Variants in PCDH9 observed in about 807,000 individuals in gnomAD.
PCDH9 encodes protocadherin 9, also known as protocadherin-9.
In PCDH9, 24 loss-of-function variants were observed where a neutral mutation model predicts 70.6. That is an observed-to-expected ratio of 0.34 (90% CI 0.25 to 0.48). The LOEUF is 0.48. Among genes scored for constraint, PCDH9 ranks in the 20% least tolerant of loss-of-function variants. The pLI, the probability that PCDH9 is intolerant of heterozygous loss-of-function variation, is 0.99. For synonymous variants in PCDH9, 562 were observed against 558.5 expected (o/e 1.01, Z -0.09); for missense variants, 1,281 against 1,503.6 (o/e 0.85, Z 2.45).
chr13:66,709,737 A>G (rs7323113), intron 3 of PCDH9, among the ~76,000 whole-genome samples: 2,975 of 152,290 alleles, frequency 0.02, 103 homozygotes, highest in African/African-American at 0.068. Context: ...TTGGCAATGA[A>G]TAATTTAATT....
intron 3 of PCDH9, among the ~76,000 whole-genome samples, chr13:66,636,286 C>T (rs2077636257): frequency 1.3e-5 from 2 of 152,070 alleles, no homozygotes; most frequent in South Asian, 4.1e-4. Flanking sequence ...AGAGCTTAAT[C>T]CAGAAGAACA....
intron 3 of PCDH9, among the ~76,000 whole-genome samples, chr13:66,814,431 T>G (rs2080565038): frequency 6.6e-6 from 1 of 152,136 alleles, no homozygotes; most frequent in African/African-American, 2.4e-5. Flanking sequence ...CCTTAGATAT[T>G]AATGTAAAAG....
At chr13:66,563,077 A>C (rs572646830) in intron 4 of PCDH9, among the ~76,000 whole-genome samples, 1 of 152,186 alleles carries the variant, frequency 6.6e-6, no homozygotes, top group East Asian at 1.9e-4. Context: ...GTTTTGCTGG[A>C]CACCATTCTG....
intron 3 of PCDH9, among the ~76,000 whole-genome samples, chr13:66,754,748 C>G (rs1041033651): frequency 2.6e-5 from 4 of 152,004 alleles, no homozygotes; most frequent in African/African-American, 9.7e-5. Context: ...TTTAGTCGTT[C>G]CTAGATCAAA....
At chr13:66,990,858 T>A (rs1040182595) in intron 2 of PCDH9, 2 of 151,878 alleles carry the variant, frequency 1.3e-5, no homozygotes, top group Admixed American at 6.6e-5. Flanking sequence ...TTGACAAAAA[T>A]GCTCCATGTT....
At chr13:66,714,328 G>A (rs1028030150) in intron 3 of PCDH9, among the ~76,000 whole-genome samples, 2 of 151,884 alleles carry the variant, frequency 1.3e-5, no homozygotes, top group African/African-American at 4.8e-5. Context: ...AGCCAGGCGT[G>A]GTGGCGGGTG....
intron 4 of PCDH9, among the ~76,000 whole-genome samples, chr13:66,343,669 G>T (rs1056033519): frequency 6.6e-6 from 1 of 152,212 alleles, no homozygotes; most frequent in African/African-American, 2.4e-5. Context: ...GTGCTCACAT[G>T]ATTAGACTGG....
intron 4 of PCDH9, among the ~76,000 whole-genome samples, chr13:66,580,056 A>G (rs949732524): frequency 6.6e-6 from 1 of 152,072 alleles, no homozygotes; most frequent in Non-Finnish European, 1.5e-5. Context: ...AATAGGATAT[A>G]TACATCTCTA....
chr13:66,733,513 A>G (rs1332305137), intron 3 of PCDH9, among the ~76,000 whole-genome samples: 1 of 152,168 alleles, frequency 6.6e-6, no homozygotes, highest in African/African-American at 2.4e-5. Context: ...AAGCTGTAGA[A>G]TATACGTTCA....
chr13:66,541,411 A>G (rs1367095348), intron 4 of PCDH9, among the ~76,000 whole-genome samples: 1 of 152,136 alleles, frequency 6.6e-6, no homozygotes, highest in Non-Finnish European at 1.5e-5. Context: ...ATTCTTTCAC[A>G]TTTCTGAGGG....
chr13:66,782,359 G>C (rs981854444), intron 3 of PCDH9, among the ~76,000 whole-genome samples: 2 of 152,108 alleles, frequency 1.3e-5, no homozygotes, highest in African/African-American at 4.8e-5. Flanking sequence ...AGGAGAGATA[G>C]CTGTCAGCTG....
chr13:66,979,888 TCTG>T (rs2139767276), intron 2 of PCDH9, among the ~76,000 whole-genome samples: 1 of 152,198 alleles, frequency 6.6e-6, no homozygotes, highest in South Asian at 2.1e-4. Context: ...CACTCCACCA[TCTG>T]CTATTTACCT....
At chr13:66,346,173 G>A (rs1414474125) in intron 4 of PCDH9, among the ~76,000 whole-genome samples, 2 of 152,240 alleles carry the variant, frequency 1.3e-5, no homozygotes, top group Middle Eastern at 3.4e-3. Flanking sequence ...CGAGCCAAAT[G>A]TGTTTAATTA....
chr13:66,426,129 A>C (rs9592467), intron 4 of PCDH9, among the ~76,000 whole-genome samples: 57,705 of 151,228 alleles, frequency 0.38, 11,915 homozygotes, highest in East Asian at 0.5. Context: ...TTACGGAAAA[A>C]AGTTATCAAA....
At chr13:66,743,237 C>T (rs1307690208) in intron 3 of PCDH9, among the ~76,000 whole-genome samples, 3 of 83,776 alleles carry the variant, frequency 3.6e-5, no homozygotes, top group East Asian at 3.6e-4. Flanking sequence ...AGTAAACTAT[C>T]GCAAGAACAA....
At chr13:67,048,957 T>C (rs2085273374) in intron 2 of PCDH9, among the ~76,000 whole-genome samples, 1 of 152,238 alleles carries the variant, frequency 6.6e-6, no homozygotes, top group African/African-American at 2.4e-5. Context: ...ACAGGGTTTA[T>C]GGTGTTGCCA....
intron 3 of PCDH9, among the ~76,000 whole-genome samples, chr13:66,809,280 G>A (rs1023316388): frequency 2.0e-5 from 3 of 152,206 alleles, no homozygotes; most frequent in Admixed American, 2.0e-4. Context: ...AGAGTACCTT[G>A]AGGCTAGGTA....
At chr13:66,892,985 C>T (rs1312019684) in intron 3 of PCDH9, among the ~76,000 whole-genome samples, 1 of 152,018 alleles carries the variant, frequency 6.6e-6, no homozygotes, top group East Asian at 1.9e-4. Context: ...ATTAGAAAAT[C>T]TGTTTAATCA....
intron 3 of PCDH9, among the ~76,000 whole-genome samples, chr13:66,799,467 C>T (rs991224737): frequency 2.6e-5 from 4 of 152,134 alleles, no homozygotes; most frequent in African/African-American, 4.8e-5. Context: ...ACCTTATAAG[C>T]ATATGATCTA....
Sources: allele counts gnomAD v4.1 joint callset (sites outside exome capture counted in the v4.1 genomes callset), GRCh38; gene constraint gnomAD v4.1.1; transcripts MANE v1.5; gene names NCBI Gene and HGNC (gene_info 2026-07-23, HGNC 2026-07-21).